Variants in DCDC1 observed in about 807,000 individuals in gnomAD.
The protein encoded by DCDC1 is doublecortin domain containing 1, also known as doublecortin domain-containing protein 1.
In DCDC1, 200 loss-of-function variants were observed where a neutral mutation model predicts 178.3. That is an observed-to-expected ratio of 1.12 (90% confidence interval 1.00 to 1.26). DCDC1 has a LOEUF of 1.26. Ranked by LOEUF, DCDC1 falls within the 50% of genes most tolerant of loss-of-function variation. The probability of loss-of-function intolerance (pLI) is 0.00; values close to 1 mark genes in which losing one functional copy is unlikely to be tolerated. For missense variants in DCDC1, 1,983 were observed against 1,749.2 expected, an observed-to-expected ratio of 1.13 and a Z score of -2.38; for synonymous variants, 690 against 604.8, an observed-to-expected ratio of 1.14 and a Z score of -2.07.
chr11:31,231,935 CTAAAG>C (rs1250685135), intron 9 of DCDC1, among the ~76,000 whole-genome samples: 1 of 152,184 alleles, frequency 6.6e-6, no homozygotes, highest in Non-Finnish European at 1.5e-5. Context: ...TATCTTCTTC[CTAAAG>C]TAAACTCTAG....
chr11:31,066,179 T>C (rs185835472), intron 18 of DCDC1, among the ~76,000 whole-genome samples: 1 of 152,360 alleles, frequency 6.6e-6, no homozygotes, highest in African/African-American at 2.4e-5. Context: ...TTAATTTGTT[T>C]TGTGCACTTT....
rs1288783866 is a variant in DCDC1, at chr11:30,892,681, G to A, written c.5082+137C>T. 5.3e-6 allele frequency: 5 copies of A among 943,342 alleles called. No individual in the cohort carries two copies. In the African/African-American group the frequency reaches 6.6e-5, roughly 13 times the overall value. 58.4% of individuals were successfully genotyped at this position (943,342 alleles called of 1,614,324 possible). ...CATTCAATCATGAGATCAATCCTAT[G>A]AGGAAAGTACTGTTACTATTTTGTG... On this transcript the variant is annotated intron_variant, in intron 36 of 38. Coordinates refer to ENST00000684477, the MANE Select transcript of DCDC1 (RefSeq NM_001387274.1).
intron 20 of DCDC1, among the ~76,000 whole-genome samples, chr11:31,017,153 G>GA (rs752758083): frequency 1.3e-5 from 2 of 152,084 alleles, no homozygotes; most frequent in East Asian, 3.8e-4. Flanking sequence ...ATTAGCTAAA[G>GA]AATAAAGCAG....
intron 20 of DCDC1, among the ~76,000 whole-genome samples, chr11:31,002,711 T>C (rs1215354966): frequency 6.6e-6 from 1 of 152,186 alleles, no homozygotes; most frequent in Non-Finnish European, 1.5e-5. Context: ...GAATCAAAAG[T>C]CACACTGTAG....
chr11:31,306,169 T>C, intron 5 of DCDC1, 63 bp downstream of exon 5: 2 of 1,331,010 alleles, frequency 1.5e-6, no homozygotes, highest in Non-Finnish European at 2.0e-6. Context: ...TTCTCATTTT[T>C]TATATTATAA....
chr11:31,010,628 T>A (rs981040308), intron 20 of DCDC1, among the ~76,000 whole-genome samples: 9 of 152,202 alleles, frequency 5.9e-5, no homozygotes, highest in Non-Finnish European at 1.0e-4. Context: ...GGGAGGGCAT[T>A]ACACAGGGAA....
At chr11:30,964,372 C>G (rs1044979289) in intron 20 of DCDC1, among the ~76,000 whole-genome samples, 48 of 152,246 alleles carry the variant, frequency 3.2e-4, no homozygotes, top group African/African-American at 1.1e-3. Context: ...AATTTAATAT[C>G]CTTCCCCTCA....
At chr11:31,090,617 C>T (rs1256489750) in intron 17 of DCDC1, among the ~76,000 whole-genome samples, 1 of 152,150 alleles carries the variant, frequency 6.6e-6, no homozygotes, top group Non-Finnish European at 1.5e-5. Context: ...CTGTAGATCA[C>T]ATTCTTAATC....
chr11:31,253,459 T>A (rs1001380605), intron 8 of DCDC1, among the ~76,000 whole-genome samples: 1 of 151,682 alleles, frequency 6.6e-6, no homozygotes, highest in African/African-American at 2.4e-5. Context: ...GAGATTTTTT[T>A]AAAAGTAAAA....
intron 20 of DCDC1, among the ~76,000 whole-genome samples, chr11:31,017,890 G>C (rs974230163): frequency 6.6e-6 from 1 of 152,164 alleles, no homozygotes; most frequent in Non-Finnish European, 1.5e-5. Context: ...ACCATGCCCG[G>C]CCTCACTAAA....
At chr11:31,061,209 G>C (rs1051763170) in intron 20 of DCDC1, among the ~76,000 whole-genome samples, 1 of 152,236 alleles carries the variant, frequency 6.6e-6, no homozygotes, top group African/African-American at 2.4e-5. Context: ...TGGGTGACAA[G>C]CTGGGTCAGC....
chr11:31,226,351 G>A (rs949845744), intron 9 of DCDC1, among the ~76,000 whole-genome samples: 1 of 151,668 alleles, frequency 6.6e-6, no homozygotes, highest in Admixed American at 6.6e-5. Context: ...TAAGAAAGAG[G>A]GTTAGGAATA....
intron 9 of DCDC1, among the ~76,000 whole-genome samples, chr11:31,215,806 T>C (rs985237509): frequency 6.8e-6 from 1 of 147,564 alleles, no homozygotes; most frequent in African/African-American, 2.5e-5. Flanking sequence ...AAAAAAAAAA[T>C]GGAGGCAGCA....
At chr11:31,107,268 G>A (rs1404114176) in intron 12 of DCDC1, among the ~76,000 whole-genome samples, 2 of 152,114 alleles carry the variant, frequency 1.3e-5, no homozygotes, top group East Asian at 1.9e-4. Flanking sequence ...TTCTACACAT[G>A]GTAACGGTCC....
At chr11:31,013,966 C>T (rs1238988531) in intron 20 of DCDC1, among the ~76,000 whole-genome samples, 2 of 152,188 alleles carry the variant, frequency 1.3e-5, no homozygotes, top group African/African-American at 2.4e-5. Context: ...TAATATAGCA[C>T]TCAAAGATCC....
chr11:30,876,402 G>C (rs1424396264), intron 38 of DCDC1, among the ~76,000 whole-genome samples: 1 of 152,194 alleles, frequency 6.6e-6, no homozygotes, highest in African/African-American at 2.4e-5. Flanking sequence ...CAAGAGTAAG[G>C]AAAGAGCAGG....
intron 1 of DCDC1, among the ~76,000 whole-genome samples, chr11:31,336,342 A>G (rs530434852): frequency 1.3e-5 from 2 of 152,338 alleles, no homozygotes; most frequent in African/African-American, 4.8e-5. Flanking sequence ...AAAGGTCCTA[A>G]GGTGGGATAT....
At chr11:31,307,939 T>G in intron 3 of DCDC1, 31 bp from the exon 4 acceptor site, 1 of 1,609,620 alleles carries the variant, frequency 6.2e-7, no homozygotes. Context: ...AAGAATACAA[T>G]TAATTGATTT....
At chr11:31,110,795 T>G (rs1304984704) in intron 11 of DCDC1, among the ~76,000 whole-genome samples, 1 of 152,192 alleles carries the variant, frequency 6.6e-6, no homozygotes, top group Non-Finnish European at 1.5e-5. Flanking sequence ...TATTCATACT[T>G]TGGTTTATAC....
Sources: allele counts gnomAD v4.1 joint callset (sites outside exome capture counted in the v4.1 genomes callset), GRCh38; gene constraint gnomAD v4.1.1; transcripts MANE v1.5; gene names NCBI Gene and HGNC (gene_info 2026-07-23, HGNC 2026-07-21).